The following RCAN2 variants were observed in gnomAD, a reference collection of about 807,000 sequenced individuals.
The protein encoded by RCAN2 is calcipressin-2.
Under a neutral mutation model 23.6 loss-of-function variants are expected in RCAN2, and 9 were observed. The ratio of observed to expected loss-of-function variants is 0.38; its 90% CI spans 0.23 to 0.67. The LOEUF (loss-of-function observed/expected upper bound fraction) is 0.67. Ranked by LOEUF, RCAN2 falls within the 30% of genes least tolerant of loss-of-function variation. The pLI is 0.51. For synonymous variants in RCAN2, 109 were observed against 115.7 expected, an observed-to-expected ratio of 0.94 and a Z score of 0.37; for missense variants, 273 against 302.3, an observed-to-expected ratio of 0.90 and a Z score of 0.72.
chr6:46,223,132 G>T lies in RCAN2; in HGVS notation c.*9C>A, dbSNP rs1418058763. 6.2e-7 allele frequency: 1 copy of T among 1,612,600 alleles called. No individual in the cohort carries two copies. Among genetic ancestry groups the T allele is most frequent in the African/African-American group, 1.3e-5 (1 of 74,876 alleles). ...AGGAGACGGCTATTATCGAGAAGGA[G>T]CAGGCAGCTCAGTTGGACACGGAGG... is the stretch of plus-strand genomic sequence containing the variant. On this transcript the variant is annotated 3_prime_UTR_variant, in exon 5 of 5. Coordinates refer to ENST00000371374, the MANE Select transcript of RCAN2 (RefSeq NM_001251974.2).
At chr6:46,405,301 T>C (rs1419378030) in intron 2 of RCAN2, among the ~76,000 whole-genome samples, 1 of 151,920 alleles carries the variant, frequency 6.6e-6, no homozygotes, top group Admixed American at 6.5e-5. Flanking sequence ...GCAAGAGTTA[T>C]TGCAAAGAGG....
rs376412279 is a variant in RCAN2 at position 46,325,349 on chromosome 6, C to T, written c.226-76453G>A. On this transcript the variant is annotated intron_variant, in intron 2 of 4. Transcript: ENST00000371374. ...ATGCTAAAAAGGCTCTGCCAAGCAG[C>T]GTCAGTAACAGCAACAATGAAAAAT... is the stretch of plus-strand genomic sequence containing the variant. The T allele has an allele frequency of 5.9e-5, 95 of 1,608,610 alleles. 1 individual carries two copies. In the African/African-American group the frequency reaches 6.7e-4, roughly 11 times the overall value.
intron 2 of RCAN2, among the ~76,000 whole-genome samples, chr6:46,348,273 A>G (rs1561869370): frequency 6.6e-6 from 1 of 152,208 alleles, no homozygotes; most frequent in South Asian, 2.1e-4. Flanking sequence ...ATTCAAGGGC[A>G]GTATTAGCAT....
intron 1 of RCAN2, among the ~76,000 whole-genome samples, chr6:46,480,784 C>A (rs1190258308): frequency 6.6e-6 from 1 of 152,122 alleles, no homozygotes; most frequent in Admixed American, 6.5e-5. Flanking sequence ...CATCACCACA[C>A]CCGGCTAATT....
At chr6:46,298,948 T>C (rs1310981554) in intron 2 of RCAN2, among the ~76,000 whole-genome samples, 3 of 152,068 alleles carry the variant, frequency 2.0e-5, no homozygotes, top group Non-Finnish European at 4.4e-5. Context: ...TGAAATCATG[T>C]CTTTGCTGCA....
At chr6:46,373,517 A>G (rs1432171109) in intron 2 of RCAN2, among the ~76,000 whole-genome samples, 2 of 152,182 alleles carry the variant, frequency 1.3e-5, no homozygotes, top group Non-Finnish European at 2.9e-5. Flanking sequence ...TAGGCCTCCT[A>G]AAGTGTTGGG....
chr6:46,310,255 A>G (rs1447821459), intron 2 of RCAN2, among the ~76,000 whole-genome samples: 1 of 152,120 alleles, frequency 6.6e-6, no homozygotes, highest in Non-Finnish European at 1.5e-5. Context: ...ATAATTGTGT[A>G]GGAGGATCAA....
intron 2 of RCAN2, among the ~76,000 whole-genome samples, chr6:46,293,415 G>C (rs958215277): frequency 1.3e-5 from 2 of 151,934 alleles, no homozygotes; most frequent in Non-Finnish European, 2.9e-5. Context: ...TTCATGGGTG[G>C]GTATAGACAT....
intron 2 of RCAN2, among the ~76,000 whole-genome samples, chr6:46,284,840 C>A (rs1762319097): frequency 6.6e-6 from 1 of 152,186 alleles, no homozygotes; most frequent in Non-Finnish European, 1.5e-5. Flanking sequence ...TATATTACTG[C>A]AATCTTCATG....
At chr6:46,387,237 C>G (rs550459269) in intron 2 of RCAN2, among the ~76,000 whole-genome samples, 25 of 152,190 alleles carry the variant, frequency 1.6e-4, no homozygotes, top group African/African-American at 5.8e-4. Flanking sequence ...GCAACAAAAG[C>G]CAAAATTGAC....
intron 2 of RCAN2, among the ~76,000 whole-genome samples, chr6:46,405,574 A>C (rs1005143098): frequency 6.6e-6 from 1 of 152,206 alleles, no homozygotes; most frequent in African/African-American, 2.4e-5. Flanking sequence ...GCAGCTAGAT[A>C]CAGAGTGTCG....
intron 4 of RCAN2, among the ~76,000 whole-genome samples, chr6:46,246,163 T>C (rs943596262): frequency 2.0e-5 from 3 of 152,192 alleles, no homozygotes; most frequent in African/African-American, 7.2e-5. Flanking sequence ...GGTGGTAGAT[T>C]CATATTTTAG....
rs1765541758 is a variant in RCAN2 at position 46,223,320 on chromosome 6, G to T, written c.572-19C>A. 4 of 1,609,272 alleles carry T rather than the reference G, an allele frequency of 2.5e-6. No individual in the cohort carries two copies. Among genetic ancestry groups the T allele is most frequent in the South Asian group, 1.1e-5 (1 of 90,480 alleles). ...TTCTCTCCTGAAAAGCAAGAAAAAT[G>T]GAAGTGAGAAAGAGGGGGGGATTTC... On this transcript the variant is annotated intron_variant, in intron 4 of 4. Transcript: ENST00000371374.
intron 2 of RCAN2, among the ~76,000 whole-genome samples, chr6:46,441,047 G>C (rs993616702): frequency 4.6e-5 from 7 of 152,116 alleles, no homozygotes; most frequent in African/African-American, 1.4e-4. Context: ...AAAACACCTG[G>C]TTATTAGAAA....
intron 2 of RCAN2, among the ~76,000 whole-genome samples, chr6:46,452,926 T>C (rs1404709928): frequency 6.6e-6 from 1 of 152,192 alleles, no homozygotes; most frequent in Non-Finnish European, 1.5e-5. Context: ...ATCCCATAAC[T>C]TAAAGTATAA....
At chr6:46,234,266 C>T (rs1281329758) in intron 4 of RCAN2, among the ~76,000 whole-genome samples, 1 of 152,234 alleles carries the variant, frequency 6.6e-6, no homozygotes, top group Non-Finnish European at 1.5e-5. Flanking sequence ...TGGACACTTT[C>T]TTACTATCGA....
chr6:46,304,747 T>G (rs2150353072), intron 2 of RCAN2, among the ~76,000 whole-genome samples: 1 of 151,984 alleles, frequency 6.6e-6, no homozygotes, highest in South Asian at 2.1e-4. Flanking sequence ...ACAATTGGGG[T>G]AGGCAGGGGA....
intron 1 of RCAN2, among the ~76,000 whole-genome samples, chr6:46,463,846 T>G (rs914987802): frequency 8.5e-5 from 13 of 152,228 alleles, no homozygotes; most frequent in Non-Finnish European, 1.6e-4. Context: ...AAGTTTAAAT[T>G]TGTTTTTTCT....
chr6:46,465,932 G>T (rs1175853481), intron 1 of RCAN2, among the ~76,000 whole-genome samples: 43 of 152,152 alleles, frequency 2.8e-4, no homozygotes, highest in Admixed American at 2.7e-3. Flanking sequence ...GTAAATAGAT[G>T]GCTCAAACCA....
Sources: allele counts gnomAD v4.1 joint callset (sites outside exome capture counted in the v4.1 genomes callset), GRCh38; gene constraint gnomAD v4.1.1; transcripts MANE v1.5; gene names NCBI Gene and HGNC (gene_info 2026-07-23, HGNC 2026-07-21).